ASAH2: variants seen among roughly 807,000 people sequenced by gnomAD.
The protein encoded by ASAH2 is neutral ceramidase.
ASAH2 carries 58 observed loss-of-function variants against 82.9 expected under a neutral mutation model. That is an observed-to-expected ratio of 0.70 (90% CI 0.57 to 0.87). ASAH2 has a LOEUF of 0.87. Among genes scored for constraint, ASAH2 ranks in the 40% least tolerant of loss-of-function variants. The pLI, the probability that ASAH2 is intolerant of heterozygous loss-of-function variation, is 0.00. For missense variants in ASAH2, 779 were observed against 834.0 expected (o/e 0.93, Z 0.81); for synonymous variants, 276 against 289.7 (o/e 0.95, Z 0.48).
intron 5 of ASAH2, 139 bp from the exon 6 acceptor site, chr10:50,234,691 G>A (rs1846109473): frequency 9.4e-6 from 11 of 1,175,478 alleles, no homozygotes; most frequent in Non-Finnish European, 1.1e-5. Context: ...AAAAGCTGGA[G>A]AACCACATCG....
intron 7 of ASAH2, among the ~76,000 whole-genome samples, chr10:50,221,671 A>T (rs1845750437): frequency 6.8e-6 from 1 of 147,662 alleles, no homozygotes; most frequent in Non-Finnish European, 1.5e-5. Flanking sequence ...ATAGATAGAT[A>T]GATGATAGAT....
chr10:50,195,144 C>G (rs1589319032), intron 18 of ASAH2, among the ~76,000 whole-genome samples: 2 of 150,606 alleles, frequency 1.3e-5, no homozygotes, highest in Non-Finnish European at 3.0e-5. Context: ...AACTATGCAT[C>G]CAATAAAGAG....
intron 7 of ASAH2, among the ~76,000 whole-genome samples, chr10:50,230,820 C>A (rs1846003360): frequency 1.3e-5 from 2 of 151,982 alleles, no homozygotes; most frequent in Non-Finnish European, 2.9e-5. Flanking sequence ...GGTGGAGGAT[C>A]ACTTGAGACC....
At chr10:50,208,084 G>A (rs1338539217) in intron 12 of ASAH2, among the ~76,000 whole-genome samples, 3 of 151,888 alleles carry the variant, frequency 2.0e-5, no homozygotes, top group African/African-American at 7.2e-5. Context: ...CAGATACAGA[G>A]AGAAATATTT....
At chr10:50,212,782 C>T (rs1193257700) in intron 10 of ASAH2, among the ~76,000 whole-genome samples, 190 bp downstream of exon 10, 1 of 152,122 alleles carries the variant, frequency 6.6e-6, no homozygotes, top group African/African-American at 2.4e-5. Flanking sequence ...GAAGTCAGAC[C>T]TGAGCAGTCA....
At chr10:50,205,694 C>T (rs1845274568) in intron 13 of ASAH2, among the ~76,000 whole-genome samples, 1 of 151,926 alleles carries the variant, frequency 6.6e-6, no homozygotes, top group Non-Finnish European at 1.5e-5. Context: ...TTGGAACCAA[C>T]AAAAATAAAT....
intron 14 of ASAH2, 71 bp from the exon 15 acceptor site, chr10:50,203,750 G>T: frequency 7.4e-7 from 1 of 1,355,106 alleles, no homozygotes; most frequent in Non-Finnish European, 1.1e-6. Flanking sequence ...AACACTGGCA[G>T]TGAAAGCCAA....
chr10:50,243,371 C>A lies in ASAH2; in HGVS notation c.361-20G>T, dbSNP rs757296269. The A allele has an allele frequency of 6.2e-7, 1 of 1,612,794 alleles. No individual in the cohort carries two copies. On this transcript the variant is annotated intron_variant, in intron 3 of 20. Transcript: ENST00000682911. Reference sequence around the variant, plus strand: ...GCCCATCTAAAGAGGAAGAGACAATCAGAGCTGCTCTGTCTCATTCCCCTG... The same window carrying A: ...GCCCATCTAAAGAGGAAGAGACAATAAGAGCTGCTCTGTCTCATTCCCCTG...
At chr10:50,195,215 A>G (rs1275876620) in intron 18 of ASAH2, among the ~76,000 whole-genome samples, 3 of 151,932 alleles carry the variant, frequency 2.0e-5, no homozygotes, top group African/African-American at 7.2e-5. Flanking sequence ...AAATGACCCA[A>G]CTTGAAAATA....
intron 7 of ASAH2, among the ~76,000 whole-genome samples, chr10:50,225,011 T>A (rs961803680): frequency 3.3e-5 from 5 of 152,198 alleles, no homozygotes; most frequent in Non-Finnish European, 7.3e-5. Context: ...TGCAGAATAT[T>A]TCTACCAACT....
rs577628889 is a variant in ASAH2 at position 50,213,394 on chromosome 10, C to T, written c.1141-336G>A. Among the ~76,000 whole-genome samples, 434 of 152,216 alleles carry T rather than the reference C, an allele frequency of 2.9e-3. 3 individuals are homozygous for T. The highest frequency in any genetic ancestry group is 0.01 in the African/African-American group (423 of 41,558). Reference sequence around the variant, plus strand: ...TATTGACTGCACATCTTTCTACTTGCTTGTTCTTGCCTCTGATTCTTACTC... The same window carrying T: ...TATTGACTGCACATCTTTCTACTTGTTTGTTCTTGCCTCTGATTCTTACTC... On this transcript the variant is annotated intron_variant, in intron 9 of 20. Transcript: ENST00000682911.
chr10:50,227,802 C>T (rs1845928156), intron 7 of ASAH2, among the ~76,000 whole-genome samples: 1 of 152,090 alleles, frequency 6.6e-6, no homozygotes, highest in Non-Finnish European at 1.5e-5. Context: ...TGTTATCAGT[C>T]AACAGTCACC....
chr10:50,227,292 A>G (rs1449001706), intron 7 of ASAH2, among the ~76,000 whole-genome samples: 1 of 152,150 alleles, frequency 6.6e-6, no homozygotes, highest in Non-Finnish European at 1.5e-5. Flanking sequence ...CAAAAAAAAC[A>G]CATTATTAGA....
intron 12 of ASAH2, among the ~76,000 whole-genome samples, chr10:50,210,405 C>T (rs1845421446): frequency 6.6e-6 from 1 of 151,982 alleles, no homozygotes; most frequent in Admixed American, 6.6e-5. Flanking sequence ...GAGGCTGAGG[C>T]AGGAGAATAG....
intron 7 of ASAH2, among the ~76,000 whole-genome samples, chr10:50,221,221 T>A (rs976025059): frequency 3.9e-5 from 6 of 152,254 alleles, no homozygotes; most frequent in African/African-American, 1.4e-4. Context: ...CTCTTAGAAC[T>A]CAAGTATCAG....
rs1364487837 is a variant in ASAH2 at position 50,187,413 on chromosome 10, T to A, written c.2245A>T (p.Arg749Ter). ...TGCTTCCGATTGTGTCCAAAATATC[T>A]TATTCTGTAGATTCCAGGCTGGGCA... ...DTAQPGIYRI[R>*]YFGHNRKQDI... Residue 749 changes from arginine (R) to a stop codon, truncating the protein, a stop_gained, in exon 21 of 21, where the codon AGA (arginine) becomes TGA (stop). Coordinates refer to ENST00000682911, the MANE Select transcript of ASAH2 (RefSeq NM_019893.4). LOFTEE classifies it high-confidence loss of function. The A allele has an allele frequency of 1.1e-4, 40 of 358,654 alleles. No homozygotes were observed. Among genetic ancestry groups the A allele is most frequent in the Admixed American group, 2.4e-4 (4 of 16,732 alleles). 22.2% of individuals were successfully genotyped at this position (358,654 alleles called of 1,614,324 possible).
chr10:50,227,222 GA>G (rs1465537886), intron 7 of ASAH2, among the ~76,000 whole-genome samples: 1 of 151,998 alleles, frequency 6.6e-6, no homozygotes, highest in East Asian at 1.9e-4. Flanking sequence ...GAAAATGATA[GA>G]AAAATATACA....
chr10:50,214,617 G>A, intron 9 of ASAH2, 126 bp downstream of exon 9: 1 of 1,165,704 alleles, frequency 8.6e-7, no homozygotes. Flanking sequence ...GAGAAGAGCA[G>A]ATGCTAGGGA....
chr10:50,193,617 A>G (rs1260984698), intron 18 of ASAH2, among the ~76,000 whole-genome samples: 1 of 151,390 alleles, frequency 6.6e-6, no homozygotes, highest in Non-Finnish European at 1.5e-5. Flanking sequence ...AGAATTTTAC[A>G]TTAGTGTGTG....
Sources: allele counts gnomAD v4.1 joint callset (sites outside exome capture counted in the v4.1 genomes callset), GRCh38; gene constraint gnomAD v4.1.1; transcripts MANE v1.5; gene names NCBI Gene and HGNC (gene_info 2026-07-23, HGNC 2026-07-21).